PPFIA2: variants seen among roughly 807,000 people sequenced by gnomAD.
PPFIA2 encodes the protein liprin-alpha-2.
In PPFIA2, 46 loss-of-function variants were observed where a neutral mutation model predicts 175.5. The observed-to-expected ratio is 0.26, with a 90% CI of 0.21 to 0.34. The LOEUF (loss-of-function observed/expected upper bound fraction) is 0.34, where lower values mean the gene tolerates loss of function less well. PPFIA2 is among the 10% of genes least tolerant of loss of function. The probability of loss-of-function intolerance (pLI) is 1.00; values close to 1 mark genes in which losing one functional copy is unlikely to be tolerated. For synonymous variants in PPFIA2, 568 were observed against 511.4 expected (o/e 1.11, Z -1.49); for missense variants, 1,179 against 1,506.1 (o/e 0.78, Z 3.60).
chr12:81,481,811 C>T (rs781075531), intron 4 of PPFIA2, among the ~76,000 whole-genome samples: 2 of 152,102 alleles, frequency 1.3e-5, no homozygotes, highest in Non-Finnish European at 2.9e-5. Context: ...TAGGTAATAC[C>T]ATTCAGGACA....
chr12:81,749,977 T>C lies in PPFIA2; in HGVS notation c.249+3996A>G, dbSNP rs2083538047. On this transcript the variant is annotated intron_variant, in intron 3 of 32. Transcript: ENST00000549396. The stretch of plus-strand genomic sequence containing the variant: ...TGGCAGTTCAGAGGGTTTTGCATTA[T>C]TGAGATCTGCTCCTTTTCTCAAGGA... Among the ~76,000 whole-genome samples the C allele has an allele frequency of 1.4e-5, 2 of 144,160 alleles. 1 individual carries two copies. Among genetic ancestry groups the C allele is most frequent in the Non-Finnish European group, 3.1e-5 (2 of 64,242 alleles). The allele number at this position is 144,160 out of a possible 152,430, so 94.6% of individuals were successfully genotyped here. A position where few individuals can be genotyped will look rare whatever the true frequency, so the allele number is the denominator to read the frequency against.
At chr12:81,628,459 C>T (rs2062987024) in intron 4 of PPFIA2, among the ~76,000 whole-genome samples, 1 of 150,444 alleles carries the variant, frequency 6.6e-6, no homozygotes, top group South Asian at 2.1e-4. Context: ...TCACTACAAC[C>T]TCCAACTCCC....
At chr12:81,672,547 T>C (rs1249761001) in intron 4 of PPFIA2, among the ~76,000 whole-genome samples, 1 of 151,964 alleles carries the variant, frequency 6.6e-6, no homozygotes, top group Admixed American at 6.6e-5. Context: ...AGCCCAAGGA[T>C]ATGAATTAGA....
At chr12:81,471,361 C>T (rs887328101) in intron 4 of PPFIA2, 6 of 150,954 alleles carry the variant, frequency 4.0e-5, no homozygotes, top group Non-Finnish European at 8.8e-5. Flanking sequence ...AAGAGATCTC[C>T]CTATATTTCC....
At chr12:81,484,165 A>G (rs1053214818) in intron 4 of PPFIA2, among the ~76,000 whole-genome samples, 5 of 152,054 alleles carry the variant, frequency 3.3e-5, no homozygotes, top group Admixed American at 3.3e-4. Context: ...TGAAAGACCA[A>G]ATAAAAAGCC....
chr12:81,567,279 G>A (rs1786954656), intron 4 of PPFIA2, among the ~76,000 whole-genome samples: 1 of 152,112 alleles, frequency 6.6e-6, no homozygotes, highest in Admixed American at 6.5e-5. Flanking sequence ...TCGATCTCCT[G>A]ACCTCGTGAT....
In PPFIA2 at chr12:81,581,587, C is replaced by A. The variant is rs550164560; in HGVS notation, c.303+95204G>T. Among the ~76,000 whole-genome samples, 7 of 151,920 alleles carry A rather than the reference C, an allele frequency of 4.6e-5. No individual in the cohort carries two copies. In the Admixed American group the frequency reaches 4.6e-4, roughly 10 times the overall value. On this transcript the variant is annotated intron_variant, in intron 4 of 32. Coordinates refer to ENST00000549396, the MANE Select transcript of PPFIA2 (RefSeq NM_003625.5). Reference sequence around the variant, plus strand: ...TTTTATCACTGCCCAGCATGCTATACATCATCCTATTTATTTTGCTATTAT... The same window carrying A: ...TTTTATCACTGCCCAGCATGCTATAAATCATCCTATTTATTTTGCTATTAT...
chr12:81,425,225 A>C (rs2046938619), intron 7 of PPFIA2, among the ~76,000 whole-genome samples: 1 of 152,206 alleles, frequency 6.6e-6, no homozygotes, highest in South Asian at 2.1e-4. Flanking sequence ...AAAGGTAAGT[A>C]AGTGGTTGGA....
intron 3 of PPFIA2, among the ~76,000 whole-genome samples, chr12:81,707,102 T>C (rs1314711989): frequency 2.6e-5 from 4 of 152,276 alleles, no homozygotes; most frequent in East Asian, 1.9e-4. Context: ...ATTCAGGACA[T>C]AGGCACGGGA....
At chr12:81,267,441 G>A (rs2037620292) in intron 29 of PPFIA2, among the ~76,000 whole-genome samples, 1 of 152,166 alleles carries the variant, frequency 6.6e-6, no homozygotes, top group Non-Finnish European at 1.5e-5. Context: ...AGATTCCTAT[G>A]CCCTATCTCT....
chr12:81,593,877 C>T (rs1240770890), intron 4 of PPFIA2, among the ~76,000 whole-genome samples: 1 of 152,050 alleles, frequency 6.6e-6, no homozygotes, highest in East Asian at 1.9e-4. Context: ...GGCAGTGATC[C>T]CAACTGGTGG....
chr12:81,468,056 TC>T, intron 4 of PPFIA2, among the ~76,000 whole-genome samples: 1 of 152,158 alleles, frequency 6.6e-6, no homozygotes, highest in East Asian at 1.9e-4. Context: ...AGTTTCCTTT[TC>T]CTTTGACTTG....
At chr12:81,325,022 T>A (rs563162806) in intron 22 of PPFIA2, among the ~76,000 whole-genome samples, 1 of 152,094 alleles carries the variant, frequency 6.6e-6, no homozygotes, top group East Asian at 1.9e-4. Context: ...TGAATATTCT[T>A]TCATAGGAAA....
At chr12:81,454,187 T>G (rs913198883) in intron 5 of PPFIA2, among the ~76,000 whole-genome samples, 2 of 152,096 alleles carry the variant, frequency 1.3e-5, no homozygotes, top group African/African-American at 4.8e-5. Context: ...GCCACTGCAC[T>G]CCAGCCTGAG....
Position 81,534,213 on chromosome 12 carries a change from A to G in PPFIA2, c.304-76347T>C, listed in dbSNP as rs553607949. 2.0e-5 allele frequency among the ~76,000 whole-genome samples: 3 copies of G among 151,804 alleles called. No homozygotes were observed. In the South Asian group the frequency reaches 6.2e-4, roughly 31 times the overall value. On this transcript the variant is annotated intron_variant, in intron 4 of 32. Transcript: ENST00000549396. ...GATAAAGAGAGGTTGATTAATGGGTACAAACATAGAGGTAGATAGAAGGAA... is the reference window on the plus strand; with the variant it reads ...GATAAAGAGAGGTTGATTAATGGGTGCAAACATAGAGGTAGATAGAAGGAA...
At chr12:81,413,217 G>A (rs1289214782) in intron 7 of PPFIA2, among the ~76,000 whole-genome samples, 1 of 151,772 alleles carries the variant, frequency 6.6e-6, no homozygotes, top group Middle Eastern at 3.4e-3. Flanking sequence ...CAAACAGGAG[G>A]CACTCTAGAA....
chr12:81,655,810 A>G (rs2067700628), intron 4 of PPFIA2, among the ~76,000 whole-genome samples: 1 of 152,018 alleles, frequency 6.6e-6, no homozygotes, highest in African/African-American at 2.4e-5. Flanking sequence ...TCAGATTATT[A>G]TCTTTACAGA....
intron 3 of PPFIA2, among the ~76,000 whole-genome samples, chr12:81,723,024 T>A (rs1469006475): frequency 6.6e-6 from 1 of 150,982 alleles, no homozygotes; most frequent in Non-Finnish European, 1.5e-5. Flanking sequence ...GGACATAACC[T>A]AAGAATTTAA....
At chr12:81,716,174 T>C (rs990576819) in intron 3 of PPFIA2, among the ~76,000 whole-genome samples, 1 of 151,700 alleles carries the variant, frequency 6.6e-6, no homozygotes, top group Non-Finnish European at 1.5e-5. Context: ...TTTTTATAAG[T>C]ATTAAATTAT....
Sources: gnomAD v4.1 joint callset for allele counts (sites outside exome capture counted in the v4.1 genomes callset) on GRCh38, gnomAD v4.1.1 for gene constraint, MANE v1.5 for transcripts, NCBI Gene and HGNC (gene_info 2026-07-23, HGNC 2026-07-21) for gene names.